RPS6KC1: variants seen among roughly 807,000 people sequenced by gnomAD.
The protein encoded by RPS6KC1 is inactive ribosomal protein S6 kinase delta-1.
RPS6KC1 carries 54 observed loss-of-function variants against 103.8 expected under a neutral mutation model. The observed-to-expected ratio is 0.52, with a 90% CI of 0.42 to 0.65. RPS6KC1 has a LOEUF of 0.65. Among genes scored for constraint, RPS6KC1 ranks in the 30% least tolerant of loss-of-function variants. RPS6KC1 has a pLI of 0.00. For missense variants in RPS6KC1, 1,151 were observed against 1,253.8 expected (o/e 0.92, Z 1.24); for synonymous variants, 439 against 438.7 (o/e 1.00, Z -0.01).
the RPS6KC1 span, among the ~76,000 whole-genome samples, chr1:213,297,271 G>A: frequency 2.6e-5 from 4 of 152,144 alleles, no homozygotes; most frequent in African/African-American, 9.7e-5. Context: ...GACTGAATAC[G>A]GGTCTGCATT....
chr1:213,678,544 C>T, the RPS6KC1 span, among the ~76,000 whole-genome samples: 1 of 152,192 alleles, frequency 6.6e-6, no homozygotes, highest in African/African-American at 2.4e-5. Context: ...TAGGCATGTG[C>T]CCCAAAGCAA....
chr1:213,226,375 T>C (rs2093963580), intron 8 of RPS6KC1, among the ~76,000 whole-genome samples: 1 of 152,228 alleles, frequency 6.6e-6, no homozygotes, highest in Non-Finnish European at 1.5e-5. Flanking sequence ...ATTCTTGATA[T>C]GTTGATTTAA....
intron 3 of RPS6KC1, among the ~76,000 whole-genome samples, chr1:213,084,411 A>G (rs2148598743): frequency 6.6e-6 from 1 of 152,268 alleles, no homozygotes; most frequent in Non-Finnish European, 1.5e-5. Flanking sequence ...CTGGGATTAC[A>G]GGTGTGAGCC....
intron 6 of RPS6KC1, among the ~76,000 whole-genome samples, chr1:213,161,481 C>T (rs967362023): frequency 6.6e-6 from 1 of 152,004 alleles, no homozygotes; most frequent in South Asian, 2.1e-4. Flanking sequence ...CCACCATGCC[C>T]AGCTAATTTT....
chr1:213,378,694 T>C, the RPS6KC1 span, among the ~76,000 whole-genome samples: 797 of 152,322 alleles, frequency 5.2e-3, 9 homozygotes, highest in African/African-American at 0.017. Flanking sequence ...GTGAAATGAA[T>C]GCGTGAGAAT....
chr1:213,501,984 G>C, the RPS6KC1 span, among the ~76,000 whole-genome samples: 1 of 152,064 alleles, frequency 6.6e-6, no homozygotes, highest in African/African-American at 2.4e-5. Context: ...GTAGAGCTCT[G>C]TCCTCCTAGA....
At chr1:213,590,363 G>A in the RPS6KC1 span, among the ~76,000 whole-genome samples, 16 of 152,270 alleles carry the variant, frequency 1.1e-4, no homozygotes, top group African/African-American at 1.9e-4. Flanking sequence ...GAAATTCAGC[G>A]TCTGAAAATT....
At chr1:213,839,554 G>A in the RPS6KC1 span, among the ~76,000 whole-genome samples, 1 of 152,184 alleles carries the variant, frequency 6.6e-6, no homozygotes, top group Non-Finnish European at 1.5e-5. Context: ...AGAATGAGAA[G>A]AATGCCTGTC....
chr1:213,404,222 G>A, the RPS6KC1 span, among the ~76,000 whole-genome samples: 1 of 152,138 alleles, frequency 6.6e-6, no homozygotes, highest in Non-Finnish European at 1.5e-5. Flanking sequence ...GGCTGCCTTC[G>A]GCGGGGGTTT....
At chr1:213,507,338 T>C in the RPS6KC1 span, among the ~76,000 whole-genome samples, 2 of 151,742 alleles carry the variant, frequency 1.3e-5, no homozygotes, top group Non-Finnish European at 2.9e-5. Context: ...CAGCGCAGGG[T>C]GGGGGGCTGA....
the RPS6KC1 span, among the ~76,000 whole-genome samples, chr1:213,837,030 A>G: frequency 4.5e-4 from 68 of 152,320 alleles, 1 homozygote; most frequent in African/African-American, 1.6e-3. Context: ...GAGAAGTGGA[A>G]TTTATGGTTT....
At chr1:213,195,593 C>A (rs2092915440) in intron 8 of RPS6KC1, among the ~76,000 whole-genome samples, 2 of 152,122 alleles carry the variant, frequency 1.3e-5, no homozygotes, top group Non-Finnish European at 2.9e-5. Flanking sequence ...ATTGTATAGT[C>A]TTTTCTCCCT....
the RPS6KC1 span, among the ~76,000 whole-genome samples, chr1:213,804,753 G>A: frequency 2.6e-5 from 4 of 152,206 alleles, no homozygotes; most frequent in Non-Finnish European, 5.9e-5. Flanking sequence ...AATAGCTCTT[G>A]TATAATAATA....
At chr1:213,555,745 T>C in the RPS6KC1 span, among the ~76,000 whole-genome samples, 1 of 152,252 alleles carries the variant, frequency 6.6e-6, no homozygotes, top group Non-Finnish European at 1.5e-5. Flanking sequence ...ATTTTGGATT[T>C]TCTATAAACT....
intron 12 of RPS6KC1, among the ~76,000 whole-genome samples, chr1:213,260,119 GT>G (rs1475703041): frequency 1.3e-5 from 2 of 152,184 alleles, no homozygotes; most frequent in African/African-American, 4.8e-5. Flanking sequence ...TTGTTAGGTA[GT>G]TCTCAATTTT....
chr1:213,125,348 T>C (rs1302358771), intron 5 of RPS6KC1, among the ~76,000 whole-genome samples: 3 of 152,138 alleles, frequency 2.0e-5, no homozygotes, highest in African/African-American at 4.8e-5. Context: ...GTATAATATT[T>C]TATCATAAGG....
chr1:213,709,613 GGTGT>G, the RPS6KC1 span, among the ~76,000 whole-genome samples: 1 of 150,872 alleles, frequency 6.6e-6, no homozygotes, highest in African/African-American at 2.4e-5. Context: ...GTGATTTTAG[GGTGT>G]CAATTTTAGA....
At chr1:213,481,138 A>G in the RPS6KC1 span, among the ~76,000 whole-genome samples, 1 of 152,144 alleles carries the variant, frequency 6.6e-6, no homozygotes, top group Non-Finnish European at 1.5e-5. Flanking sequence ...TAATAGGATG[A>G]ATGGGAAGCA....
the RPS6KC1 span, among the ~76,000 whole-genome samples, chr1:213,717,732 C>G: frequency 6.6e-6 from 1 of 152,130 alleles, no homozygotes; most frequent in Non-Finnish European, 1.5e-5. Context: ...TGATGCATGG[C>G]TAACAGCAAG....
Sources: gnomAD v4.1 joint callset for allele counts (sites outside exome capture counted in the v4.1 genomes callset) on GRCh38, gnomAD v4.1.1 for gene constraint, MANE v1.5 for transcripts, NCBI Gene and HGNC (gene_info 2026-07-23, HGNC 2026-07-21) for gene names.